The following TBC1D5 variants were observed in gnomAD, a reference collection of about 807,000 sequenced individuals.
TBC1D5 encodes the protein TBC1 domain family, member 5.
TBC1D5 carries 75 observed loss-of-function variants against 100.3 expected under a neutral mutation model. That is an observed-to-expected ratio of 0.75 (90% CI 0.62 to 0.91). TBC1D5 has a LOEUF of 0.91. TBC1D5 is among the 40% of genes least tolerant of loss of function. TBC1D5 has a pLI of 0.00. For missense variants in TBC1D5, 910 were observed against 942.4 expected, an observed-to-expected ratio of 0.97 and a Z score of 0.45; for synonymous variants, 323 against 325.6, an observed-to-expected ratio of 0.99 and a Z score of 0.09.
intron 19 of TBC1D5, among the ~76,000 whole-genome samples, chr3:17,179,345 T>C (rs927772420): frequency 4.6e-5 from 7 of 152,242 alleles, no homozygotes; most frequent in South Asian, 2.1e-4. Context: ...AAGATATTCA[T>C]TGAAAGTTGT....
rs1227516387 is a variant in TBC1D5 at position 17,690,496 on chromosome 3, G to A, written c.-101+48847C>T. Among the ~76,000 whole-genome samples the A allele has an allele frequency of 1.7e-4, 5 of 29,616 alleles. 1 individual carries two copies. The highest frequency in any genetic ancestry group is 2.0e-4 in the African/African-American group (2 of 10,130). 19.4% of individuals were successfully genotyped at this position (29,616 alleles called of 152,430 possible). A position where few individuals can be genotyped will look rare whatever the true frequency, so the allele number is the denominator to read the frequency against. On this transcript the variant is annotated intron_variant, in intron 1 of 21. Coordinates refer to ENST00000253692, the Ensembl canonical transcript of TBC1D5. ...CTCCCAAAGTGCTGGGATTACAGGCGTGAGCCACCGCGCCCGGCCTAAAAA... is the reference window on the plus strand; with the variant it reads ...CTCCCAAAGTGCTGGGATTACAGGCATGAGCCACCGCGCCCGGCCTAAAAA...
At chr3:17,584,355 T>C (rs1442774987) in intron 2 of TBC1D5, among the ~76,000 whole-genome samples, 1 of 152,236 alleles carries the variant, frequency 6.6e-6, no homozygotes, top group East Asian at 1.9e-4. Context: ...AAATTTCACC[T>C]CAATAGATTA....
chr3:17,498,691 T>C (rs73153064), intron 3 of TBC1D5, among the ~76,000 whole-genome samples: 10,472 of 152,202 alleles, frequency 0.069, 705 homozygotes, highest in African/African-American at 0.18. Context: ...CTACTGTGCT[T>C]GCTATTCAAA....
chr3:17,697,944 G>C (rs1265148569), intron 1 of TBC1D5, among the ~76,000 whole-genome samples: 2 of 140,684 alleles, frequency 1.4e-5, no homozygotes, highest in African/African-American at 2.7e-5. Flanking sequence ...GCCTCAGAAA[G>C]AATACCACAA....
At chr3:17,159,333 C>G (rs2065844801) in exon 22 of TBC1D5, 1 of 152,246 alleles carries the variant, frequency 6.6e-6, no homozygotes, top group Non-Finnish European at 1.5e-5. Flanking sequence ...GAAATCATGT[C>G]ATTATCACAT....
chr3:17,421,181 C>T (rs940279507), intron 4 of TBC1D5, among the ~76,000 whole-genome samples: 4 of 152,080 alleles, frequency 2.6e-5, no homozygotes, highest in Non-Finnish European at 4.4e-5. Flanking sequence ...AAAAATAATA[C>T]GTTACTTCGA....
rs192572427 is a variant in TBC1D5, at chr3:17,552,667, C to T, written c.-35-44062G>A. Among the ~76,000 whole-genome samples, 154 of 152,106 alleles carry T rather than the reference C, an allele frequency of 1.0e-3. 2 individuals are homozygous for T. In the South Asian group the frequency reaches 0.018, roughly 18 times the overall value. On this transcript the variant is annotated intron_variant, in intron 2 of 21. Coordinates refer to ENST00000253692, the Ensembl canonical transcript of TBC1D5. The stretch of plus-strand genomic sequence containing the variant: ...AATATAAAAACACCAGGTGGTGGTG[C>T]TAATAGCTATGATAAAAATTTCAAA...
intron 2 of TBC1D5, among the ~76,000 whole-genome samples, chr3:17,596,655 A>G (rs180915706): frequency 1.0e-3 from 151 of 146,048 alleles, no homozygotes; most frequent in Middle Eastern, 3.5e-3. Flanking sequence ...GGTTGCAGTG[A>G]GCAGATTTGC....
intron 2 of TBC1D5, among the ~76,000 whole-genome samples, chr3:17,621,200 T>C (rs1376831510): frequency 1.3e-5 from 2 of 152,232 alleles, no homozygotes; most frequent in Non-Finnish European, 2.9e-5. Flanking sequence ...AATGCAGATG[T>C]ATGTGTCCAT....
chr3:17,483,906 A>G (rs2150368374), intron 3 of TBC1D5, among the ~76,000 whole-genome samples: 1 of 152,314 alleles, frequency 6.6e-6, no homozygotes, highest in East Asian at 1.9e-4. Context: ...TTTGGCCCAT[A>G]CCTTATTTAG....
Position 17,185,846 on chromosome 3 carries a change from A to G in TBC1D5, c.1753-638T>C, listed in dbSNP as rs116196310. Among the ~76,000 whole-genome samples, 1,390 of 152,202 alleles carry G rather than the reference A, an allele frequency of 9.1e-3. 23 individuals carry two copies. The highest frequency in any genetic ancestry group is 0.031 in the African/African-American group (1,298 of 41,532). On this transcript the variant is annotated intron_variant, in intron 18 of 21. Coordinates refer to ENST00000253692, the Ensembl canonical transcript of TBC1D5. ...GCTCCTCTCTCTTGATATGACACTA[A>G]AATACTTCATTTATTTGTTTGTTTC...
At chr3:17,292,623 AT>A (rs559701595) in intron 14 of TBC1D5, among the ~76,000 whole-genome samples, 74 of 150,542 alleles carry the variant, frequency 4.9e-4, no homozygotes, top group Admixed American at 2.1e-3. Context: ...CTGTCATTTA[AT>A]TTTTTTTTTC....
intron 14 of TBC1D5, 47 bp from the exon 15 acceptor site, chr3:17,292,048 T>C (rs2150159174): frequency 6.8e-7 from 1 of 1,479,708 alleles, no homozygotes; most frequent in Non-Finnish European, 9.4e-7. Flanking sequence ...ATTTAAGATA[T>C]TCTGCATTGC....
At chr3:17,530,880 C>T (rs2096212972) in intron 2 of TBC1D5, among the ~76,000 whole-genome samples, 1 of 152,186 alleles carries the variant, frequency 6.6e-6, no homozygotes, top group African/African-American at 2.4e-5. Context: ...CAATATCATA[C>T]CGAATGGACA....
intron 1 of TBC1D5, among the ~76,000 whole-genome samples, chr3:17,705,062 A>C (rs1369178414): frequency 5.5e-5 from 5 of 91,468 alleles, no homozygotes; most frequent in African/African-American, 8.5e-5. Flanking sequence ...TGACCCCCCC[A>C]CCTCCCTCCC....
chr3:17,233,686 T>C (rs1234674998), intron 17 of TBC1D5: 1 of 1,523,146 alleles, frequency 6.6e-7, no homozygotes, highest in African/African-American at 1.4e-5. Context: ...TAACTGTACC[T>C]TGGAGGTCAG....
intron 13 of TBC1D5, among the ~76,000 whole-genome samples, chr3:17,357,977 C>T (rs2091365422): frequency 6.6e-6 from 1 of 152,018 alleles, no homozygotes; most frequent in South Asian, 2.1e-4. Context: ...GTAATATATA[C>T]CAAGCAACAA....
chr3:17,438,556 T>C (rs1012684705), intron 3 of TBC1D5, among the ~76,000 whole-genome samples: 1 of 152,190 alleles, frequency 6.6e-6, no homozygotes, highest in African/African-American at 2.4e-5. Context: ...AAGAAGGACA[T>C]GTTTGCTTTG....
chr3:17,624,984 C>G (rs1305972664), intron 1 of TBC1D5, among the ~76,000 whole-genome samples: 5 of 152,044 alleles, frequency 3.3e-5, no homozygotes. Context: ...ACAATCTAAG[C>G]CTTAAAGTCC....
Sources: gnomAD v4.1 joint callset for allele counts (sites outside exome capture counted in the v4.1 genomes callset) on GRCh38, gnomAD v4.1.1 for gene constraint, MANE v1.5 for transcripts, NCBI Gene and HGNC (gene_info 2026-07-23, HGNC 2026-07-21) for gene names.